The following RASEF variants were observed in gnomAD, a reference collection of about 807,000 sequenced individuals.
The protein encoded by RASEF is RAS and EF-hand domain containing.
A neutral mutation model predicts 90.1 loss-of-function variants in RASEF; 68 were observed. That is an observed-to-expected ratio of 0.75 (90% CI 0.62 to 0.92). The LOEUF (loss-of-function observed/expected upper bound fraction) is 0.92, where lower values mean the gene tolerates loss of function less well. Ranked by LOEUF, RASEF falls within the 40% of genes least tolerant of loss-of-function variation. The probability of loss-of-function intolerance (pLI) is 0.00; values close to 1 mark genes in which losing one functional copy is unlikely to be tolerated. For missense variants in RASEF, 949 were observed against 937.2 expected, an observed-to-expected ratio of 1.01 and a Z score of -0.16; for synonymous variants, 331 against 345.2, an observed-to-expected ratio of 0.96 and a Z score of 0.46.
the RASEF span, among the ~76,000 whole-genome samples, chr9:83,175,316 A>G: frequency 5.5e-3 from 835 of 152,330 alleles, 3 homozygotes; most frequent in Admixed American, 9.5e-3. Flanking sequence ...TTTATCATAA[A>G]TGTCATTGGA....
At chr9:83,105,665 A>C in the RASEF span, among the ~76,000 whole-genome samples, 3 of 152,364 alleles carry the variant, frequency 2.0e-5, no homozygotes, top group African/African-American at 7.2e-5. Context: ...ATATGGGATC[A>C]TGTGCTTGAA....
chr9:83,047,221 A>G (rs535210818), intron 1 of RASEF, among the ~76,000 whole-genome samples: 3 of 152,332 alleles, frequency 2.0e-5, no homozygotes, highest in South Asian at 4.1e-4. Context: ...ATGTGAGAAC[A>G]TTTAAGGAAC....
chr9:83,159,069 C>CCTGTAGTCT, the RASEF span, among the ~76,000 whole-genome samples: 7 of 151,678 alleles, frequency 4.6e-5, no homozygotes, highest in African/African-American at 1.7e-4. Context: ...GCCTGTAGTC[C>CCTGTAGTCT]CAGCTACTTG....
chr9:83,062,343 G>C (rs571650211), intron 1 of RASEF, 94 bp downstream of exon 1: 74 of 1,197,298 alleles, frequency 6.2e-5, no homozygotes, highest in Admixed American at 3.1e-4. Flanking sequence ...AAGACTAGGG[G>C]GGGGGGCCAT....
At chr9:82,996,760 T>C (rs1828927916) in intron 14 of RASEF, among the ~76,000 whole-genome samples, 1 of 152,174 alleles carries the variant, frequency 6.6e-6, no homozygotes, top group Non-Finnish European at 1.5e-5. Flanking sequence ...TCTGATTTTA[T>C]CTATAAGAAA....
At chr9:83,173,406 T>C in the RASEF span, among the ~76,000 whole-genome samples, 1 of 151,924 alleles carries the variant, frequency 6.6e-6, no homozygotes, top group South Asian at 2.1e-4. Context: ...TTCTAGATTT[T>C]GTAAATGTAC....
At chr9:83,029,830 G>A (rs955682282) in intron 1 of RASEF, among the ~76,000 whole-genome samples, 1 of 152,128 alleles carries the variant, frequency 6.6e-6, no homozygotes, top group Non-Finnish European at 1.5e-5. Context: ...TTATTTGGTG[G>A]TATAAGACAC....
the RASEF span, among the ~76,000 whole-genome samples, chr9:83,074,444 C>A: frequency 6.6e-6 from 1 of 152,196 alleles, no homozygotes; most frequent in African/African-American, 2.4e-5. Flanking sequence ...AGTTAAAAAC[C>A]AGCCATATTC....
chr9:83,143,888 G>A, the RASEF span, among the ~76,000 whole-genome samples: 1 of 152,206 alleles, frequency 6.6e-6, no homozygotes, highest in South Asian at 2.1e-4. Context: ...CCATAGCAAA[G>A]ACATAGAATT....
At chr9:83,070,549 T>C in the RASEF span, among the ~76,000 whole-genome samples, 2 of 152,148 alleles carry the variant, frequency 1.3e-5, no homozygotes, top group East Asian at 3.9e-4. Flanking sequence ...AATATAAGTC[T>C]CAAAATCAAG....
chr9:83,082,038 A>AATATATTTACT, the RASEF span, among the ~76,000 whole-genome samples: 5 of 152,210 alleles, frequency 3.3e-5, no homozygotes, highest in East Asian at 9.6e-4. Context: ...AATGTAGCCT[A>AATATATTTACT]GACACCCAGC....
chr9:83,131,082 G>T, the RASEF span, among the ~76,000 whole-genome samples: 7 of 152,164 alleles, frequency 4.6e-5, no homozygotes, highest in Admixed American at 4.6e-4. Flanking sequence ...GAAACAGTCA[G>T]ACAACGTGAT....
chr9:83,039,941 T>C (rs1829808390), intron 1 of RASEF, among the ~76,000 whole-genome samples: 1 of 152,140 alleles, frequency 6.6e-6, no homozygotes, highest in African/African-American at 2.4e-5. Flanking sequence ...GCTCCCATAA[T>C]TCCCATGTGT....
the RASEF span, among the ~76,000 whole-genome samples, chr9:83,121,699 A>T: frequency 2.6e-5 from 4 of 152,058 alleles, 1 homozygote; most frequent in South Asian, 8.3e-4. Flanking sequence ...GAAACCTGGC[A>T]CTCTTGGTTG....
intron 1 of RASEF, chr9:83,048,673 A>G (rs927554787): frequency 1.0e-6 from 1 of 985,336 alleles, no homozygotes; most frequent in African/African-American, 1.7e-5. Context: ...GAGATTTAAC[A>G]TTTACTTTTT....
At position 82,982,901 on chromosome 9, in the gene RASEF, C is replaced by T. The variant is rs35916277; in HGVS notation, c.2118-119G>A. 4 of 691,158 alleles carry T rather than the reference C, an allele frequency of 5.8e-6. No homozygotes were observed. In the East Asian group the frequency reaches 1.0e-4, roughly 18 times the overall value. The allele number at this position is 691,158 out of a possible 1,614,324, so 42.8% of individuals were successfully genotyped here. ...AAATAAAAATAGCCATGCTGAGTGT[C>T]TGCACGGCCTTATAGACATTGTTTT... On this transcript the variant is annotated intron_variant, in intron 16 of 16. Coordinates refer to ENST00000376447, the MANE Select transcript of RASEF (RefSeq NM_152573.4).
chr9:83,060,996 T>A (rs1830192553), intron 1 of RASEF, among the ~76,000 whole-genome samples: 1 of 152,204 alleles, frequency 6.6e-6, no homozygotes, highest in African/African-American at 2.4e-5. Context: ...ACTAGACAAC[T>A]GTGAAAAACA....
In RASEF at chr9:82,982,408, T is replaced by C. The variant is rs958364870; in HGVS notation, c.*269A>G. On this transcript the variant is annotated 3_prime_UTR_variant, in exon 17 of 17. Coordinates refer to ENST00000376447, the MANE Select transcript of RASEF (RefSeq NM_152573.4). ...TGATTTCTTTTCTTTTCTTTTTTTT[T>C]ACCATTTTAAAAACATTTACATGTT... 2 of 232,786 alleles carry C rather than the reference T, an allele frequency of 8.6e-6. No homozygotes were observed. Among genetic ancestry groups the C allele is most frequent in the Non-Finnish European group, 1.7e-5 (2 of 119,334 alleles). 14.4% of individuals were successfully genotyped at this position (232,786 alleles called of 1,614,324 possible).
chr9:83,069,840 CTT>C, the RASEF span, among the ~76,000 whole-genome samples: 1 of 152,194 alleles, frequency 6.6e-6, no homozygotes, highest in Non-Finnish European at 1.5e-5. Flanking sequence ...GCATCAGTCT[CTT>C]TAAGAATTCT....
Sources: gnomAD v4.1 joint callset for allele counts (sites outside exome capture counted in the v4.1 genomes callset) on GRCh38, gnomAD v4.1.1 for gene constraint, MANE v1.5 for transcripts, NCBI Gene and HGNC (gene_info 2026-07-23, HGNC 2026-07-21) for gene names.